THRB: variants seen among roughly 807,000 people sequenced by gnomAD.
The protein encoded by THRB is nuclear receptor subfamily 1 group A member 2.
Under a neutral mutation model 47.8 loss-of-function variants are expected in THRB, and 12 were observed. The ratio of observed to expected loss-of-function variants is 0.25; its 90% confidence interval spans 0.16 to 0.41. The LOEUF (loss-of-function observed/expected upper bound fraction) is 0.41. Ranked by LOEUF, THRB falls within the 10% of genes least tolerant of loss-of-function variation. THRB has a pLI of 1.00. For synonymous variants in THRB, 218 were observed against 212.2 expected (o/e 1.03, Z -0.24); for missense variants, 348 against 589.2 (o/e 0.59, Z 4.24).
rs1388233665 is a variant in THRB, at chr3:24,122,801, G to A, written c.*83C>T. On this transcript the variant is annotated 3_prime_UTR_variant, in exon 11 of 11. Transcript: ENST00000646209. ...CCCAAATAATCCCTCCCAACACAAA[G>A]AAACAAACAAAAAAGAGCTAGGCAA... 1.3e-6 allele frequency: 2 copies of A among 1,596,870 alleles called. No individual in the cohort carries two copies. The highest frequency in any genetic ancestry group is 1.7e-5 in the Admixed American group (1 of 59,958).
At chr3:24,214,094 C>T (rs912670522) in intron 4 of THRB, among the ~76,000 whole-genome samples, 2 of 152,164 alleles carry the variant, frequency 1.3e-5, no homozygotes, top group African/African-American at 4.8e-5. Context: ...GGTAAAGAAA[C>T]TGAGTATTAA....
chr3:24,454,334 G>A (rs2072962231), intron 1 of THRB, among the ~76,000 whole-genome samples: 1 of 152,178 alleles, frequency 6.6e-6, no homozygotes, highest in East Asian at 1.9e-4. Context: ...CAGACAGAAA[G>A]TAGATTAGTT....
intron 1 of THRB, among the ~76,000 whole-genome samples, chr3:24,436,383 G>C (rs1004605016): frequency 6.6e-6 from 1 of 152,140 alleles, no homozygotes; most frequent in African/African-American, 2.4e-5. Context: ...ACGCACAGCA[G>C]TAAACAAGAC....
chr3:24,494,496 T>C (rs1052201924), intron 1 of THRB, 156 bp downstream of exon 1: 3 of 150,098 alleles, frequency 2.0e-5, no homozygotes, highest in Non-Finnish European at 4.4e-5. Flanking sequence ...AGGCAGGTAA[T>C]CAGGCTGATG....
intron 3 of THRB, among the ~76,000 whole-genome samples, chr3:24,238,758 G>T (rs1231368172): frequency 6.6e-6 from 1 of 152,064 alleles, no homozygotes; most frequent in Non-Finnish European, 1.5e-5. Flanking sequence ...CTTCCTAAAT[G>T]GAGTGTTATG....
At chr3:24,185,040 G>C (rs1354686043) in intron 5 of THRB, among the ~76,000 whole-genome samples, 4 of 152,198 alleles carry the variant, frequency 2.6e-5, no homozygotes, top group African/African-American at 9.6e-5. Flanking sequence ...CACATCATTT[G>C]AAATTGTCAT....
chr3:24,219,348 T>C (rs867350218), intron 4 of THRB, among the ~76,000 whole-genome samples: 2 of 152,194 alleles, frequency 1.3e-5, no homozygotes, highest in African/African-American at 4.8e-5. Flanking sequence ...ATCAAATCAT[T>C]TGTGGGACAG....
At chr3:24,210,549 G>A (rs1410276270) in intron 4 of THRB, among the ~76,000 whole-genome samples, 3 of 152,042 alleles carry the variant, frequency 2.0e-5, no homozygotes, top group Admixed American at 6.6e-5. Flanking sequence ...GACTGCACAC[G>A]ACAGCCCCCA....
intron 1 of THRB, among the ~76,000 whole-genome samples, chr3:24,466,070 C>T (rs2074129514): frequency 6.6e-6 from 1 of 152,050 alleles, no homozygotes; most frequent in Non-Finnish European, 1.5e-5. Context: ...CTATTTACTC[C>T]CCAGTATGGA....
At chr3:24,319,242 A>C (rs959620108) in intron 2 of THRB, among the ~76,000 whole-genome samples, 10 of 152,196 alleles carry the variant, frequency 6.6e-5, no homozygotes, top group Non-Finnish European at 1.5e-4. Context: ...TAGCCTAGCA[A>C]ATCTTCCCCT....
At chr3:24,126,308 C>A (rs993611883) in intron 10 of THRB, among the ~76,000 whole-genome samples, 2 of 151,872 alleles carry the variant, frequency 1.3e-5, no homozygotes, top group African/African-American at 4.8e-5. Flanking sequence ...CTAAGCCCAG[C>A]AGGTCAAGCC....
chr3:24,125,031 G>A (rs544748190), intron 10 of THRB, among the ~76,000 whole-genome samples: 2 of 152,310 alleles, frequency 1.3e-5, no homozygotes, highest in East Asian at 3.9e-4. Context: ...GTTTGATAGT[G>A]TTTGGCATCA....
intron 1 of THRB, among the ~76,000 whole-genome samples, chr3:24,366,420 T>G (rs1354266353): frequency 2.6e-5 from 4 of 151,890 alleles, no homozygotes; most frequent in Non-Finnish European, 1.5e-5. Context: ...ATGGCGGGAG[T>G]GAGGGACCAA....
chr3:24,258,214 C>A (rs143469247), intron 3 of THRB, among the ~76,000 whole-genome samples: 1 of 152,040 alleles, frequency 6.6e-6, no homozygotes, highest in East Asian at 1.9e-4. Context: ...AAAAGGGCAC[C>A]CAGCAATGCA....
intron 5 of THRB, among the ~76,000 whole-genome samples, chr3:24,156,906 C>T (rs1025936950): frequency 4.6e-5 from 7 of 152,154 alleles, no homozygotes; most frequent in Non-Finnish European, 8.8e-5. Flanking sequence ...TTTAGCCTTT[C>T]CCCAACATAC....
chr3:24,340,551 C>T (rs1053850154), intron 1 of THRB, among the ~76,000 whole-genome samples: 3 of 151,752 alleles, frequency 2.0e-5, no homozygotes, highest in Admixed American at 1.3e-4. Context: ...AAATAGTATC[C>T]CATAATATCA....
intron 5 of THRB, among the ~76,000 whole-genome samples, chr3:24,168,489 TAATA>T (rs1032428840): frequency 8.8e-6 from 1 of 114,230 alleles, no homozygotes; most frequent in African/African-American, 3.6e-5. Flanking sequence ...TTTCAATCAA[TAATA>T]TATATATATA....
intron 6 of THRB, among the ~76,000 whole-genome samples, chr3:24,148,490 G>A (rs2036443317): frequency 6.6e-6 from 1 of 152,150 alleles, no homozygotes; most frequent in Admixed American, 6.5e-5. Flanking sequence ...TCCAACACCT[G>A]GCCTCAAGTG....
rs151001156 is a variant in THRB at position 24,166,727 on chromosome 3, G to A, written c.284-14237C>T. On this transcript the variant is annotated intron_variant, in intron 5 of 10. Coordinates refer to ENST00000646209, the MANE Select transcript of THRB (RefSeq NM_001354712.2). Reference sequence around the variant, plus strand: ...TGTTTTCAGGGCTCGGCCTCAGGTGGTTACGTTTACATTTGGCTTCCTGCT... The same window carrying A: ...TGTTTTCAGGGCTCGGCCTCAGGTGATTACGTTTACATTTGGCTTCCTGCT... Among the ~76,000 whole-genome samples the A allele has an allele frequency of 6.8e-3, 1,033 of 152,226 alleles. 14 individuals carry two copies. Among genetic ancestry groups the A allele is most frequent in the African/African-American group, 0.022 (896 of 41,544 alleles).
Sources: allele counts gnomAD v4.1 joint callset (sites outside exome capture counted in the v4.1 genomes callset), GRCh38; gene constraint gnomAD v4.1.1; transcripts MANE v1.5; gene names NCBI Gene and HGNC (gene_info 2026-07-23, HGNC 2026-07-21).